Variants in ESPN observed in about 807,000 individuals in gnomAD.
ESPN encodes the protein autosomal recessive deafness type 36 protein.
ESPN carries 68 observed loss-of-function variants against 77.7 expected under a neutral mutation model. That is an observed-to-expected ratio of 0.87 (90% CI 0.72 to 1.07). ESPN has a LOEUF of 1.07. Ranked by LOEUF, ESPN falls within the 50% of genes least tolerant of loss-of-function variation. The pLI is 0.00. For missense variants in ESPN, 1,060 were observed against 1,239.0 expected (o/e 0.86, Z 2.17); for synonymous variants, 449 against 567.1 (o/e 0.79, Z 2.96).
At chr1:6,434,352 G>A (rs1643357423) in intron 2 of ESPN, among the ~76,000 whole-genome samples, 1 of 152,192 alleles carries the variant, frequency 6.6e-6, no homozygotes, top group African/African-American at 2.4e-5. Flanking sequence ...TCATCACACA[G>A]ACAGATGTGT....
At position 6,460,637 on chromosome 1, in the gene ESPN, C is replaced by T. The variant is rs544910011; in HGVS notation, c.*491C>T. ...AGATCTGCGCGCGGCCTAGCCCGGGCCTCATTTCTTATCCCCGCCAAGGGT... is the reference window on the plus strand; with the variant it reads ...AGATCTGCGCGCGGCCTAGCCCGGGTCTCATTTCTTATCCCCGCCAAGGGT... On this transcript the variant is annotated 3_prime_UTR_variant, in exon 13 of 13. Transcript: ENST00000645284. The T allele has an allele frequency of 6.0e-6, 1 of 166,280 alleles. No homozygotes were observed. Among genetic ancestry groups the T allele is most frequent in the Non-Finnish European group, 1.3e-5 (1 of 76,176 alleles). 10.3% of individuals were successfully genotyped at this position (166,280 alleles called of 1,614,324 possible). A position where few individuals can be genotyped will look rare whatever the true frequency, so the allele number is the denominator to read the frequency against.
chr1:6,449,796 G>A (rs1643914105), intron 8 of ESPN, among the ~76,000 whole-genome samples: 1 of 152,158 alleles, frequency 6.6e-6, no homozygotes, highest in Non-Finnish European at 1.5e-5. Context: ...CTGTAGGGTG[G>A]GACAGTGTCC....
rs1441812605 is a variant in ESPN, at chr1:6,437,295, G to T, written c.489-2959G>T. The T allele has an allele frequency of 1.3e-5, 2 of 151,474 alleles. No individual in the cohort carries two copies. Among genetic ancestry groups the T allele is most frequent in the Non-Finnish European group, 1.5e-5 (1 of 68,032 alleles). 9.4% of individuals were successfully genotyped at this position (151,474 alleles called of 1,614,324 possible). ...GTCATGGATCTCTGCCAAGTGGGGG[G>T]TGCTGGGAGAGCAGAGCTCACCGCA... On this transcript the variant is annotated intron_variant, in intron 2 of 12. Transcript: ENST00000645284. This position sits in a 1 kb window ranked among gnomAD's most constrained non-coding sequence, Gnocchi z 4.5.
intron 10 of ESPN, among the ~76,000 whole-genome samples, chr1:6,453,523 G>C (rs1414209318): frequency 6.6e-6 from 1 of 152,226 alleles, no homozygotes; most frequent in Admixed American, 6.5e-5. Context: ...GTGGGCTGAA[G>C]AGCCGCAGGT....
chr1:6,449,530 C>G (rs1243952782), intron 8 of ESPN, among the ~76,000 whole-genome samples: 1 of 152,238 alleles, frequency 6.6e-6, no homozygotes, highest in African/African-American at 2.4e-5. Context: ...CCACCCTTCC[C>G]CCTGCCCGTC....
chr1:6,440,606 T>TGCCCCC lies in ESPN; in HGVS notation c.676-20_676-19insGCCCCC. ...CTGGCGCCCAGCCCCCGCCCCCCTCTCCCCGCCCGTCCCGCCCAGGTGAGC... is the reference window on the plus strand; with the variant it reads ...CTGGCGCCCAGCCCCCGCCCCCCTCTGCCCCCCCCCGCCCGTCCCGCCCAGGTGAGC... On this transcript the variant is annotated intron_variant, in intron 3 of 12. Transcript: ENST00000645284. The TGCCCCC allele has an allele frequency of 1.0e-5, 9 of 870,454 alleles. No individual in the cohort carries two copies. Among genetic ancestry groups the TGCCCCC allele is most frequent in the Admixed American group, 2.3e-5 (1 of 42,894 alleles). 53.9% of individuals were successfully genotyped at this position (870,454 alleles called of 1,614,324 possible).
intron 10 of ESPN, among the ~76,000 whole-genome samples, chr1:6,453,967 T>C (rs890020869): frequency 2.0e-5 from 3 of 152,116 alleles, no homozygotes; most frequent in Middle Eastern, 3.4e-3. Context: ...ACAGAAAACA[T>C]TGAGCACAGG....
At position 6,460,279 on chromosome 1, in the gene ESPN, C is replaced by G; in HGVS notation, c.*133C>G. ...CCTGCGCTGGAAACCCTCCCTGACCCCCACCCTGGCCCCCCGTATCCCCAG... is the reference window on the plus strand; with the variant it reads ...CCTGCGCTGGAAACCCTCCCTGACCGCCACCCTGGCCCCCCGTATCCCCAG... On this transcript the variant is annotated 3_prime_UTR_variant, in exon 13 of 13. Coordinates refer to ENST00000645284, the MANE Select transcript of ESPN (RefSeq NM_031475.3). 1 of 1,142,298 alleles carries G rather than the reference C, an allele frequency of 8.8e-7. No individual in the cohort carries two copies. The highest frequency in any genetic ancestry group is 1.2e-6 in the Non-Finnish European group (1 of 815,942). 70.8% of individuals were successfully genotyped at this position (1,142,298 alleles called of 1,614,324 possible). A position where few individuals can be genotyped will look rare whatever the true frequency, so the allele number is the denominator to read the frequency against.
At chr1:6,425,454 TGCTCCCTGGAA>T (rs1643001907) in intron 1 of ESPN, among the ~76,000 whole-genome samples, 1 of 152,194 alleles carries the variant, frequency 6.6e-6, no homozygotes, top group African/African-American at 2.4e-5. Context: ...CGAGCCTGGG[TGCTCCCTGGAA>T]GCGCACCTGG....
intron 12 of ESPN, among the ~76,000 whole-genome samples, chr1:6,458,340 A>C (rs1289139350): frequency 7.3e-6 from 1 of 137,576 alleles, no homozygotes; most frequent in Non-Finnish European, 1.5e-5. Flanking sequence ...TTTGAGACAG[A>C]GTTTTGCTCT....
intron 2 of ESPN, among the ~76,000 whole-genome samples, chr1:6,435,661 G>A (rs1394230037): frequency 6.6e-6 from 1 of 152,172 alleles, no homozygotes; most frequent in Non-Finnish European, 1.5e-5. Context: ...GGGAGTCAGA[G>A]GTCTCCCCAA....
intron 12 of ESPN, among the ~76,000 whole-genome samples, chr1:6,459,664 C>G (rs1431515639): frequency 6.6e-6 from 1 of 152,148 alleles, no homozygotes; most frequent in Non-Finnish European, 1.5e-5. Flanking sequence ...CCCCACAACT[C>G]AAGTCCTGGT....
At position 6,439,924 on chromosome 1, in the gene ESPN, G is replaced by A. The variant is rs1213759885; in HGVS notation, c.489-330G>A. Reference sequence around the variant, plus strand: ...CTCAGGAGGCTGAGGCAGAAGAATCGCTTGAACCCGGGAGGCAGAGGTTGC... The same window carrying A: ...CTCAGGAGGCTGAGGCAGAAGAATCACTTGAACCCGGGAGGCAGAGGTTGC... On this transcript the variant is annotated intron_variant, in intron 2 of 12. Transcript: ENST00000645284. Among the ~76,000 whole-genome samples the A allele has an allele frequency of 5.3e-5, 8 of 152,134 alleles. No individual in the cohort carries two copies. In the East Asian group the frequency reaches 9.6e-4, roughly 18 times the overall value.
intron 5 of ESPN, among the ~76,000 whole-genome samples, chr1:6,443,687 A>G (rs1277617327): frequency 1.3e-5 from 2 of 152,202 alleles, no homozygotes; most frequent in South Asian, 2.1e-4. Context: ...TACGGGGCCA[A>G]TGAGCGCGGC....
chr1:6,431,628 C>CAAAA (rs760363517), intron 2 of ESPN, among the ~76,000 whole-genome samples: 49 of 61,574 alleles, frequency 8.0e-4, no homozygotes, highest in Middle Eastern at 8.1e-3. Flanking sequence ...AAGATTCTGT[C>CAAAA]AAAAAAAAAA....
intron 5 of ESPN, among the ~76,000 whole-genome samples, chr1:6,444,219 C>T (rs1455934587): frequency 6.6e-6 from 1 of 152,178 alleles, no homozygotes; most frequent in Non-Finnish European, 1.5e-5. Context: ...CCCTCCTTGT[C>T]GATCTCTCCA....
At chr1:6,456,256 C>T (rs751905099) in intron 10 of ESPN, 26 of 392,842 alleles carry the variant, frequency 6.6e-5, no homozygotes, top group Non-Finnish European at 1.0e-4. Flanking sequence ...GCCTGGACGC[C>T]TGTCTGACGC....
intron 3 of ESPN, 56 bp from the exon 4 acceptor site, chr1:6,440,570 C>T: frequency 1.0e-6 from 1 of 979,320 alleles, no homozygotes; most frequent in Non-Finnish European, 1.4e-6. Context: ...AGGGGGCGGG[C>T]CTACAGGGGC....
intron 3 of ESPN, 39 bp downstream of exon 3, chr1:6,440,479 G>A: frequency 6.7e-7 from 1 of 1,494,374 alleles, no homozygotes; most frequent in Non-Finnish European, 8.9e-7. Context: ...GGGAGGCGGG[G>A]CGGAGCCGGC....
Sources: gnomAD v4.1 joint callset for allele counts (sites outside exome capture counted in the v4.1 genomes callset) on GRCh38, gnomAD v4.1.1 for gene constraint, Gnocchi (gnomAD v3.1) non-coding constraint, MANE v1.5 for transcripts, NCBI Gene and HGNC (gene_info 2026-07-23, HGNC 2026-07-21) for gene names.